Variants in PTPRM observed in about 807,000 individuals in gnomAD.
The protein encoded by PTPRM is receptor-type tyrosine-protein phosphatase mu.
PTPRM carries 47 observed loss-of-function variants against 186.7 expected under a neutral mutation model. That is an observed-to-expected ratio of 0.25 (90% CI 0.20 to 0.32). The LOEUF (loss-of-function observed/expected upper bound fraction) is 0.32. PTPRM is among the 10% of genes least tolerant of loss of function. The pLI is 1.00. For missense variants in PTPRM, 1,494 were observed against 1,865.0 expected, an observed-to-expected ratio of 0.80 and a Z score of 3.66; for synonymous variants, 668 against 674.9, an observed-to-expected ratio of 0.99 and a Z score of 0.16.
At chr18:8,002,295 A>G (rs1313919250) in intron 7 of PTPRM, among the ~76,000 whole-genome samples, 1 of 152,234 alleles carries the variant, frequency 6.6e-6, no homozygotes, top group African/African-American at 2.4e-5. Flanking sequence ...TCAGAAGGGA[A>G]TGAAGGTCCT....
intron 1 of PTPRM, among the ~76,000 whole-genome samples, chr18:7,671,929 C>T (rs2039225680): frequency 6.6e-6 from 1 of 152,104 alleles, no homozygotes; most frequent in East Asian, 1.9e-4. Context: ...GGAAGGTGGT[C>T]ACCTAGAATC....
chr18:7,945,791 A>C lies in PTPRM; in HGVS notation c.664-3390A>C, dbSNP rs543330380. ...TCTTATATGATATAGTGTGTGCCCC[A>C]TAAAAGACTGTCACTGAATATTGGT... On this transcript the variant is annotated intron_variant, in intron 5 of 32. Coordinates refer to ENST00000580170, the MANE Select transcript of PTPRM (RefSeq NM_001105244.2). 2.6e-5 allele frequency among the ~76,000 whole-genome samples: 4 copies of C among 152,290 alleles called. No homozygotes were observed. The South Asian group carries it at 8.3e-4, about 32-fold the overall frequency.
intron 1 of PTPRM, among the ~76,000 whole-genome samples, chr18:7,580,433 CTCTT>C (rs2036813436): frequency 6.6e-6 from 1 of 152,228 alleles, no homozygotes; most frequent in African/African-American, 2.4e-5. Context: ...GCGAAGTTCA[CTCTT>C]TCTCTCTGTA....
chr18:8,051,713 A>G (rs1046911233), intron 7 of PTPRM, among the ~76,000 whole-genome samples: 2 of 152,054 alleles, frequency 1.3e-5, no homozygotes, highest in Non-Finnish European at 2.9e-5. Flanking sequence ...AGGGATATTT[A>G]TCTGCTTTTG....
At chr18:7,667,029 C>T (rs905750332) in intron 1 of PTPRM, among the ~76,000 whole-genome samples, 3 of 152,214 alleles carry the variant, frequency 2.0e-5, no homozygotes, top group Non-Finnish European at 4.4e-5. Flanking sequence ...TAGGGACCAA[C>T]TCTGCCCAGC....
rs182618886 is a variant in PTPRM at position 8,226,277 on chromosome 18, C to A, written c.2301-17781C>A. Among the ~76,000 whole-genome samples, 31 of 151,024 alleles carry A rather than the reference C, an allele frequency of 2.1e-4. No individual in the cohort carries two copies. The South Asian group carries it at 5.3e-3, about 26-fold the overall frequency. On this transcript the variant is annotated intron_variant, in intron 14 of 32. Coordinates refer to ENST00000580170, the MANE Select transcript of PTPRM (RefSeq NM_001105244.2). ...CCCACCTAGCCCCCAATATCCCCCC[C>A]ACACACATACATACAAACACAAATA...
At chr18:8,299,016 G>A (rs926922537) in intron 20 of PTPRM, among the ~76,000 whole-genome samples, 10 of 152,064 alleles carry the variant, frequency 6.6e-5, no homozygotes, top group Admixed American at 4.6e-4. Context: ...CTCAGGAGGC[G>A]GAGGCAGGCA....
chr18:7,912,422 G>GT (rs2050322838), intron 4 of PTPRM, among the ~76,000 whole-genome samples: 1 of 152,164 alleles, frequency 6.6e-6, no homozygotes, highest in Non-Finnish European at 1.5e-5. Flanking sequence ...TTTGATTACT[G>GT]TAACTTTTTA....
chr18:7,783,807 A>G (rs762114640), intron 2 of PTPRM, among the ~76,000 whole-genome samples: 1 of 150,686 alleles, frequency 6.6e-6, no homozygotes, highest in South Asian at 2.1e-4. Flanking sequence ...GGGCCTTGCT[A>G]TCTTGCCCAG....
At chr18:8,171,227 A>T (rs1349078199) in intron 14 of PTPRM, among the ~76,000 whole-genome samples, 1 of 152,210 alleles carries the variant, frequency 6.6e-6, no homozygotes, top group Non-Finnish European at 1.5e-5. Flanking sequence ...TGTCTGAGGA[A>T]GGCTTATAAA....
At chr18:7,650,577 AAC>A (rs1290940998) in intron 1 of PTPRM, among the ~76,000 whole-genome samples, 1 of 152,070 alleles carries the variant, frequency 6.6e-6, no homozygotes, top group African/African-American at 2.4e-5. Flanking sequence ...TGAAGCACGT[AAC>A]AGTATTTTTC....
At chr18:8,193,362 T>C (rs1156824939) in intron 14 of PTPRM, among the ~76,000 whole-genome samples, 1 of 152,212 alleles carries the variant, frequency 6.6e-6, no homozygotes, top group Non-Finnish European at 1.5e-5. Context: ...CTTCATTTTC[T>C]CTTCCAGGTG....
intron 14 of PTPRM, among the ~76,000 whole-genome samples, chr18:8,152,891 T>C (rs1366952158): frequency 6.6e-6 from 1 of 151,898 alleles, no homozygotes; most frequent in Non-Finnish European, 1.5e-5. Flanking sequence ...CTAATTTTTG[T>C]ATTTTTAGTA....
At chr18:8,210,735 G>A (rs181269417) in intron 14 of PTPRM, among the ~76,000 whole-genome samples, 27 of 152,234 alleles carry the variant, frequency 1.8e-4, no homozygotes, top group Non-Finnish European at 2.9e-4. Context: ...TTAAAACAAC[G>A]AGACTGTATG....
intron 13 of PTPRM, among the ~76,000 whole-genome samples, chr18:8,125,598 G>T (rs2092313314): frequency 1.3e-5 from 2 of 151,788 alleles, no homozygotes; most frequent in African/African-American, 4.8e-5. Context: ...TTAATGAGTT[G>T]TCATCCACAA....
At chr18:7,749,057 AC>A (rs1568074368) in intron 1 of PTPRM, 6 of 152,196 alleles carry the variant, frequency 3.9e-5, no homozygotes. Context: ...AGTTTCACTT[AC>A]CTGTGACATG....
chr18:8,092,249 CT>C (rs2090775857), intron 11 of PTPRM, among the ~76,000 whole-genome samples: 1 of 152,146 alleles, frequency 6.6e-6, no homozygotes, highest in Non-Finnish European at 1.5e-5. Context: ...CACATCAGCT[CT>C]GTCACATAAA....
At chr18:8,402,146 C>G (rs2095875587) in intron 32 of PTPRM, among the ~76,000 whole-genome samples, 1 of 152,188 alleles carries the variant, frequency 6.6e-6, no homozygotes, top group Non-Finnish European at 1.5e-5. Flanking sequence ...TAGACCTATA[C>G]CTGGTAATCA....
At chr18:7,738,562 A>C (rs2144482305) in intron 1 of PTPRM, among the ~76,000 whole-genome samples, 1 of 150,522 alleles carries the variant, frequency 6.6e-6, no homozygotes, top group Admixed American at 6.6e-5. Flanking sequence ...CAGCCTCCCG[A>C]GTAGCTGGGA....
Sources: gnomAD v4.1 joint callset for allele counts (sites outside exome capture counted in the v4.1 genomes callset) on GRCh38, gnomAD v4.1.1 for gene constraint, MANE v1.5 for transcripts, NCBI Gene and HGNC (gene_info 2026-07-23, HGNC 2026-07-21) for gene names.